TNS3: variants seen among roughly 807,000 people sequenced by gnomAD.
TNS3 encodes tensin-3.
TNS3 carries 45 observed loss-of-function variants against 140.9 expected under a neutral mutation model. The observed-to-expected ratio is 0.32, with a 90% CI of 0.25 to 0.41. TNS3 has a LOEUF of 0.41. Among genes scored for constraint, TNS3 ranks in the 10% least tolerant of loss-of-function variants. The probability of loss-of-function intolerance (pLI) is 1.00; values close to 1 mark genes in which losing one functional copy is unlikely to be tolerated. For missense variants in TNS3, 1,716 were observed against 1,906.7 expected, an observed-to-expected ratio of 0.90 and a Z score of 1.86; for synonymous variants, 815 against 788.4, an observed-to-expected ratio of 1.03 and a Z score of -0.56.
Position 47,303,046 on chromosome 7 carries a change from AG to A in TNS3, c.3360del (p.Phe1121SerfsTer40). 1 of 1,614,204 alleles carries A rather than the reference AG, an allele frequency of 6.2e-7. No individual in the cohort carries two copies. Among genetic ancestry groups the A allele is most frequent in the Non-Finnish European group, 8.5e-7 (1 of 1,180,026 alleles). On this transcript the variant is annotated frameshift_variant, in exon 22 of 31. Transcript: ENST00000311160. LOFTEE classifies it high-confidence loss of function. ...SLGSVSPSSS[G>X]FSSPHSGSTI... is the part of the protein sequence containing the mutation. ...GTGCTCCCGCTGTGCGGGCTGGAGA[AG>A]CCACTGGAGGAGGGAGAGACTGAGC... is the stretch of plus-strand genomic sequence containing the variant.
At chr7:47,293,601 A>G (rs1189771906) in intron 25 of TNS3, 132 bp downstream of exon 25, 2 of 744,714 alleles carry the variant, frequency 2.7e-6, no homozygotes, top group African/African-American at 3.5e-5. Context: ...GATCAGCAGG[A>G]TTTCAGAACT....
chr7:47,345,186 T>G, intron 18 of TNS3, 148 bp from the exon 19 acceptor site: 1 of 634,188 alleles, frequency 1.6e-6, no homozygotes, highest in Non-Finnish European at 2.8e-6. Context: ...CTGGATCCAC[T>G]GCACAAAACC....
chr7:47,371,377 T>C (rs1049504094), intron 16 of TNS3, among the ~76,000 whole-genome samples: 1 of 152,138 alleles, frequency 6.6e-6, no homozygotes, highest in African/African-American at 2.4e-5. Flanking sequence ...GAACTGAGGA[T>C]CAAAGAGAAT....
chr7:47,480,630 T>G (rs1255255438), intron 4 of TNS3, among the ~76,000 whole-genome samples: 1 of 152,066 alleles, frequency 6.6e-6, no homozygotes, highest in Non-Finnish European at 1.5e-5. Context: ...AAAGAGAAAG[T>G]GCTATTGTGT....
intron 13 of TNS3, among the ~76,000 whole-genome samples, chr7:47,410,006 G>T (rs939072077): frequency 3.9e-5 from 6 of 152,178 alleles, no homozygotes; most frequent in African/African-American, 1.4e-4. Context: ...AGAGTGGGTG[G>T]AGGAGTAAAG....
At chr7:47,380,118 G>C (rs548082636) in intron 16 of TNS3, among the ~76,000 whole-genome samples, 1 of 152,238 alleles carries the variant, frequency 6.6e-6, no homozygotes, top group Non-Finnish European at 1.5e-5. Flanking sequence ...GGAATGTGGC[G>C]ATAAAGGAGC....
At chr7:47,560,523 C>G (rs943898497) in intron 1 of TNS3, among the ~76,000 whole-genome samples, 1 of 152,182 alleles carries the variant, frequency 6.6e-6, no homozygotes, top group African/African-American at 2.4e-5. Context: ...TAACTTCTCA[C>G]CCGGTGGCAT....
chr7:47,419,442 C>T (rs1166105599), intron 10 of TNS3, among the ~76,000 whole-genome samples: 1 of 152,234 alleles, frequency 6.6e-6, no homozygotes, highest in Non-Finnish European at 1.5e-5. Context: ...TAACCAACCC[C>T]CATCTTGCCT....
At chr7:47,513,553 C>A (rs1798678572) in intron 2 of TNS3, among the ~76,000 whole-genome samples, 1 of 152,224 alleles carries the variant, frequency 6.6e-6, no homozygotes, top group Non-Finnish European at 1.5e-5. Context: ...CTGCAGGCAG[C>A]TTTTTTGTAT....
chr7:47,489,807 C>T (rs1162815780), intron 3 of TNS3, among the ~76,000 whole-genome samples: 2 of 152,214 alleles, frequency 1.3e-5, no homozygotes, highest in African/African-American at 2.4e-5. Flanking sequence ...GCAAAGGGCA[C>T]AGCACAGGAT....
At chr7:47,579,831 C>CCACT in intron 1 of TNS3, 1 of 985,386 alleles carries the variant, frequency 1.0e-6, no homozygotes, top group Non-Finnish European at 1.2e-6. Context: ...GTCAGCCCTT[C>CCACT]CACTCACTGT....
intron 2 of TNS3, among the ~76,000 whole-genome samples, chr7:47,523,107 G>A (rs932186974): frequency 2.6e-5 from 4 of 152,100 alleles, no homozygotes; most frequent in Admixed American, 2.6e-4. Context: ...AGGCACCACA[G>A]ATGTGGTGTC....
chr7:47,361,438 CCTGGCTGAGAGGCT>C (rs1309108438), intron 17 of TNS3, among the ~76,000 whole-genome samples: 1 of 152,130 alleles, frequency 6.6e-6, no homozygotes, highest in Non-Finnish European at 1.5e-5. Context: ...CCTCACAAGG[CCTGGCTGAGAGGCT>C]CTGGCTGAGC....
Position 47,275,234 on chromosome 7 carries a change from T to C in TNS3, c.*2842A>G, listed in dbSNP as rs1044644405. The stretch of plus-strand genomic sequence containing the variant: ...AGAAAATGACTATACAAAAGATTTA[T>C]AGAACATTCATTTACATACTGGATA... On this transcript the variant is annotated 3_prime_UTR_variant, in exon 31 of 31. Transcript: ENST00000311160. 4.6e-5 allele frequency: 7 copies of C among 152,658 alleles called. No homozygotes were observed. The highest frequency in any genetic ancestry group is 2.4e-5 in the African/African-American group (1 of 41,456). 9.5% of individuals were successfully genotyped at this position (152,658 alleles called of 1,614,324 possible).
intron 3 of TNS3, among the ~76,000 whole-genome samples, chr7:47,502,076 A>G (rs953908082): frequency 1.3e-5 from 2 of 152,244 alleles, no homozygotes; most frequent in Non-Finnish European, 2.9e-5. Context: ...GAAGATGGCA[A>G]AGCACCAAAA....
Position 47,305,342 on chromosome 7 carries a change from A to G in TNS3, c.2651-339T>C, listed in dbSNP as rs1203022702. 2.6e-5 allele frequency among the ~76,000 whole-genome samples: 4 copies of G among 152,054 alleles called. No homozygotes were observed. In the East Asian group the frequency reaches 7.7e-4, roughly 29 times the overall value. On this transcript the variant is annotated intron_variant, in intron 20 of 30. Transcript: ENST00000311160. ...GGTCCTCCCAGCCCCATCCCCCACA[A>G]AGGCTGATGTCCTGTAATGTACTCT...
At chr7:47,505,888 T>C (rs1798399021) in intron 3 of TNS3, among the ~76,000 whole-genome samples, 1 of 151,614 alleles carries the variant, frequency 6.6e-6, no homozygotes, top group South Asian at 2.1e-4. Context: ...ATCGGGAGGG[T>C]CGGGGAAACC....
chr7:47,429,744 C>T (rs779759594), intron 8 of TNS3, among the ~76,000 whole-genome samples: 2 of 152,168 alleles, frequency 1.3e-5, no homozygotes, highest in Non-Finnish European at 2.9e-5. Context: ...AAAGGCAGGG[C>T]CTCTAATATG....
At chr7:47,420,303 A>G (rs968411904) in intron 10 of TNS3, among the ~76,000 whole-genome samples, 1 of 152,170 alleles carries the variant, frequency 6.6e-6, no homozygotes, top group Non-Finnish European at 1.5e-5. Flanking sequence ...CAATTATCAC[A>G]TTGCCTCTCT....
Sources: gnomAD v4.1 joint callset for allele counts (sites outside exome capture counted in the v4.1 genomes callset) on GRCh38, gnomAD v4.1.1 for gene constraint, MANE v1.5 for transcripts, NCBI Gene and HGNC (gene_info 2026-07-23, HGNC 2026-07-21) for gene names.